Variants in TMLHE observed in about 807,000 individuals in gnomAD.
The protein encoded by TMLHE is trimethyllysine dioxygenase, mitochondrial.
Under a neutral mutation model 25.7 loss-of-function variants are expected in TMLHE, and 18 were observed. The ratio of observed to expected loss-of-function variants is 0.70; its 90% CI spans 0.48 to 1.04. The LOEUF is 1.04. Among genes scored for constraint, TMLHE ranks in the 50% least tolerant of loss-of-function variants. The probability of loss-of-function intolerance (pLI) is 0.00; values close to 1 mark genes in which losing one functional copy is unlikely to be tolerated. For missense variants in TMLHE, 236 were observed against 259.0 expected, an observed-to-expected ratio of 0.91 and a Z score of 0.61; for synonymous variants, 105 against 97.0, an observed-to-expected ratio of 1.08 and a Z score of -0.49.
At chrX:155,549,273 T>C (rs1557339615) in intron 1 of TMLHE, among the ~76,000 whole-genome samples, 1 of 110,880 alleles carries the variant, frequency 9.0e-6, no homozygotes, top group Non-Finnish European at 1.9e-5. Flanking sequence ...GGAGTAAGCA[T>C]GGACAACCTT....
intron 1 of TMLHE, among the ~76,000 whole-genome samples, chrX:155,607,037 A>T (rs1366933395): frequency 1.8e-5 from 2 of 111,748 alleles, no homozygotes; most frequent in African/African-American, 3.3e-5. Flanking sequence ...ATTCTACCAG[A>T]CATATAAAGA....
rs377658573 is a variant in TMLHE at position 155,572,324 on chromosome X, T to G, written c.-1-27047A>C. Among the ~76,000 whole-genome samples, 3 of 55,217 alleles carry G rather than the reference T, an allele frequency of 5.4e-5. 1 individual carries two copies. The highest frequency in any genetic ancestry group is 1.4e-4 in the Non-Finnish European group (3 of 21,426). 47.9% of individuals were successfully genotyped at this position (55,217 alleles called of 115,157 possible). A position where few individuals can be genotyped will look rare whatever the true frequency, so the allele number is the denominator to read the frequency against. On this transcript the variant is annotated intron_variant, in intron 1 of 7. Transcript: ENST00000334398. ...AGGAGAACTACAAACCACTGCTCAA[T>G]GAAATAAAACAGGATACAAAGAAAT...
intron 1 of TMLHE, among the ~76,000 whole-genome samples, chrX:155,610,313 G>C (rs1350334868): frequency 8.9e-6 from 1 of 112,396 alleles, no homozygotes; most frequent in Non-Finnish European, 1.9e-5. Flanking sequence ...AAGTAGATTA[G>C]TGGTTGTCTG....
intron 1 of TMLHE, among the ~76,000 whole-genome samples, chrX:155,611,032 A>C (rs189521599): frequency 7.3e-4 from 82 of 111,926 alleles, no homozygotes; most frequent in East Asian, 5.6e-4. Flanking sequence ...AGCCAATGCA[A>C]AACTCACCCT....
chrX:155,528,233 C>G, intron 2 of TMLHE, among the ~76,000 whole-genome samples: 1 of 110,090 alleles, frequency 9.1e-6, no homozygotes, highest in East Asian at 2.8e-4. Flanking sequence ...CAGCAAGTTT[C>G]TATGAAAATA....
At chrX:155,582,958 T>G (rs34625003) in intron 1 of TMLHE, among the ~76,000 whole-genome samples, 184 of 112,275 alleles carry the variant, frequency 1.6e-3, no homozygotes, top group African/African-American at 5.5e-3. Context: ...TTAAGAAAAT[T>G]TGGCACATAT....
At chrX:155,549,753 G>C (rs1270064036) in intron 1 of TMLHE, among the ~76,000 whole-genome samples, 1 of 109,837 alleles carries the variant, frequency 9.1e-6, no homozygotes, top group Non-Finnish European at 1.9e-5. Flanking sequence ...TGTACTTTAA[G>C]TTCTGGGATA....
chrX:155,540,264 T>C, intron 2 of TMLHE, among the ~76,000 whole-genome samples: 1 of 110,706 alleles, frequency 9.0e-6, no homozygotes, highest in South Asian at 3.8e-4. Flanking sequence ...CTGTCAAAAG[T>C]CACAAAGACA....
chrX:155,593,998 G>A (rs781925923), intron 1 of TMLHE, among the ~76,000 whole-genome samples: 1 of 110,872 alleles, frequency 9.0e-6, no homozygotes, highest in East Asian at 2.8e-4. Context: ...AGAACAGAGA[G>A]GAAAAGAGCC....
intron 4 of TMLHE, among the ~76,000 whole-genome samples, chrX:155,512,662 C>A (rs782817326): frequency 1.8e-5 from 2 of 111,277 alleles, no homozygotes; most frequent in African/African-American, 6.5e-5. Context: ...TAATGGTGGT[C>A]ATTTCCTAAT....
chrX:155,611,189 T>C (rs1481262294), intron 1 of TMLHE, among the ~76,000 whole-genome samples: 1 of 111,394 alleles, frequency 9.0e-6, no homozygotes, highest in Non-Finnish European at 1.9e-5. Flanking sequence ...TGGAGCAGGC[T>C]GGGTTTTTTC....
At chrX:155,548,499 GT>G (rs1388144185) in intron 1 of TMLHE, among the ~76,000 whole-genome samples, 5 of 108,588 alleles carry the variant, frequency 4.6e-5, no homozygotes, top group African/African-American at 1.1e-4. Flanking sequence ...ACTTTGGGAG[GT>G]CAAGGCGGGC....
intron 1 of TMLHE, among the ~76,000 whole-genome samples, chrX:155,548,727 T>C (rs1415044052): frequency 2.0e-5 from 2 of 102,157 alleles, no homozygotes; most frequent in Admixed American, 1.0e-4. Context: ...AGAGTGAGAC[T>C]CTGTCTCAAA....
At chrX:155,609,519 C>G (rs1261313399) in intron 1 of TMLHE, among the ~76,000 whole-genome samples, 2 of 111,759 alleles carry the variant, frequency 1.8e-5, no homozygotes, top group Non-Finnish European at 3.8e-5. Flanking sequence ...CAACCTGCCC[C>G]TATACCTCTG....
At chrX:155,556,069 A>AGAAAGTAAGAAGTTAACCATGCCTGAG (rs1272422073) in intron 1 of TMLHE, among the ~76,000 whole-genome samples, 1 of 109,741 alleles carries the variant, frequency 9.1e-6, no homozygotes, top group Non-Finnish European at 1.9e-5. Context: ...ACTTGAAGCA[A>AGAAAGTAAGAAGTTAACCATGCCTGAG]GAAAGGGAGT....
chrX:155,531,862 A>G (rs1020766717), intron 2 of TMLHE, among the ~76,000 whole-genome samples: 5 of 111,547 alleles, frequency 4.5e-5, no homozygotes, highest in Non-Finnish European at 9.4e-5. Flanking sequence ...ACGACAAAAA[A>G]TGTCTCCAGA....
chrX:155,544,709 CTTTCT>C (rs1414576133), intron 2 of TMLHE, among the ~76,000 whole-genome samples: 2 of 111,394 alleles, frequency 1.8e-5, no homozygotes, highest in African/African-American at 3.3e-5. Context: ...TATATTAAGG[CTTTCT>C]TTTCTTTATT....
In TMLHE at chrX:155,604,775, T is replaced by C. The variant is rs180821659; in HGVS notation, c.-2+8017A>G. 1.6e-3 allele frequency among the ~76,000 whole-genome samples: 178 copies of C among 111,870 alleles called. 1 individual carries two copies. The highest frequency in any genetic ancestry group is 1.6e-3 in the Non-Finnish European group (83 of 53,141). ...TTACACTTAAGCACCATCTACTGGA[T>C]CACAGCCCAAATTTTGACACCAAAA... On this transcript the variant is annotated intron_variant, in intron 1 of 7. Transcript: ENST00000334398.
At chrX:155,531,167 TG>T (rs2067247363) in intron 2 of TMLHE, among the ~76,000 whole-genome samples, 1 of 112,259 alleles carries the variant, frequency 8.9e-6, no homozygotes, top group African/African-American at 3.2e-5. Context: ...TGAGGCTTTT[TG>T]TAGGAGACAT....
Sources: allele counts gnomAD v4.1 joint callset (sites outside exome capture counted in the v4.1 genomes callset), GRCh38; gene constraint gnomAD v4.1.1; transcripts MANE v1.5; gene names NCBI Gene and HGNC (gene_info 2026-07-23, HGNC 2026-07-21).